Variants in STX18 observed in about 807,000 individuals in gnomAD.
STX18 encodes the protein syntaxin 18.
STX18 carries 40 observed loss-of-function variants against 50.1 expected under a neutral mutation model. That is an observed-to-expected ratio of 0.80 (90% CI 0.62 to 1.04). STX18 has a LOEUF of 1.04. Ranked by LOEUF, STX18 falls within the 50% of genes least tolerant of loss-of-function variation. The probability of loss-of-function intolerance (pLI) is 0.00; values close to 1 mark genes in which losing one functional copy is unlikely to be tolerated. For synonymous variants in STX18, 158 were observed against 151.8 expected (o/e 1.04, Z -0.30); for missense variants, 410 against 415.8 (o/e 0.99, Z 0.12).
chr4:4,511,331 C>T (rs1371354921), intron 1 of STX18, among the ~76,000 whole-genome samples: 1 of 152,200 alleles, frequency 6.6e-6, no homozygotes, highest in East Asian at 1.9e-4. Flanking sequence ...AATGCTTTAT[C>T]AAGGACTTCA....
intron 1 of STX18, among the ~76,000 whole-genome samples, chr4:4,515,151 G>C (rs1007738698): frequency 1.3e-5 from 2 of 152,074 alleles, no homozygotes; most frequent in Non-Finnish European, 1.5e-5. Flanking sequence ...AAAGGATAGT[G>C]AGACCTAAAT....
At chr4:4,530,751 G>A (rs188639889) in intron 1 of STX18, among the ~76,000 whole-genome samples, 14 of 152,158 alleles carry the variant, frequency 9.2e-5, no homozygotes, top group African/African-American at 3.1e-4. Context: ...GATTACAGGT[G>A]TGTGCCAAAG....
At position 4,457,813 on chromosome 4, in the gene STX18, C is replaced by T. The variant is rs186183518; in HGVS notation, c.353-313G>A. 9.3e-4 allele frequency among the ~76,000 whole-genome samples: 141 copies of T among 152,342 alleles called. 1 individual carries two copies. Among genetic ancestry groups the T allele is most frequent in the African/African-American group, 3.4e-3 (140 of 41,586 alleles). Reference sequence around the variant, plus strand: ...GTGTTAACAGCATCCAATGCTCAAGCTGACCTTCAGCGAACATGTTTAAAC... The same window carrying T: ...GTGTTAACAGCATCCAATGCTCAAGTTGACCTTCAGCGAACATGTTTAAAC... On this transcript the variant is annotated intron_variant, in intron 3 of 10. Transcript: ENST00000306200.
chr4:4,526,524 C>T (rs547536296), intron 1 of STX18, among the ~76,000 whole-genome samples: 4 of 152,244 alleles, frequency 2.6e-5, no homozygotes, highest in African/African-American at 7.2e-5. Context: ...AACAACAAAA[C>T]GTCAAAATGT....
intron 1 of STX18, among the ~76,000 whole-genome samples, chr4:4,518,264 G>T (rs1379631403): frequency 1.3e-5 from 2 of 152,192 alleles, no homozygotes; most frequent in African/African-American, 4.8e-5. Flanking sequence ...TGTATTAAGT[G>T]ACTAAAAGCA....
intron 5 of STX18, among the ~76,000 whole-genome samples, chr4:4,449,830 G>C (rs1218601768): frequency 6.6e-6 from 1 of 152,160 alleles, no homozygotes; most frequent in African/African-American, 2.4e-5. Context: ...CTATCTCATT[G>C]AATGTGTTAT....
intron 1 of STX18, among the ~76,000 whole-genome samples, chr4:4,483,415 A>C (rs1278950597): frequency 1.3e-5 from 2 of 152,174 alleles, no homozygotes; most frequent in East Asian, 1.9e-4. Context: ...ATAGAAAAAA[A>C]CAAATGTTTA....
intron 9 of STX18, 99 bp downstream of exon 9, chr4:4,423,419 G>T: frequency 8.8e-7 from 1 of 1,142,682 alleles, no homozygotes; most frequent in Non-Finnish European, 1.3e-6. Context: ...TCTGCTCCTG[G>T]CTGTGTAGAG....
chr4:4,428,280 T>C (rs1027168674), intron 7 of STX18, among the ~76,000 whole-genome samples: 2 of 152,214 alleles, frequency 1.3e-5, no homozygotes, highest in Admixed American at 6.5e-5. Context: ...GTCAGTTTCT[T>C]TGGGGACAGA....
chr4:4,457,910 C>G (rs1344923861), intron 3 of STX18, among the ~76,000 whole-genome samples: 1 of 152,178 alleles, frequency 6.6e-6, no homozygotes, highest in East Asian at 1.9e-4. Context: ...ATCCTCTCCC[C>G]TTGGCCACTC....
chr4:4,494,511 A>C (rs1024118485), intron 1 of STX18, among the ~76,000 whole-genome samples: 3 of 152,222 alleles, frequency 2.0e-5, no homozygotes, highest in Non-Finnish European at 2.9e-5. Flanking sequence ...ATTTCATTGA[A>C]TCTTCACAAA....
At chr4:4,527,217 T>C (rs1326623788) in intron 1 of STX18, among the ~76,000 whole-genome samples, 4 of 152,190 alleles carry the variant, frequency 2.6e-5, no homozygotes, top group African/African-American at 9.7e-5. Context: ...TGGAAAAATA[T>C]GCTTCTCTCC....
chr4:4,527,766 G>C (rs925606265), intron 1 of STX18, among the ~76,000 whole-genome samples: 2 of 100,820 alleles, frequency 2.0e-5, no homozygotes, highest in African/African-American at 6.6e-5. Context: ...GAAAGATAGA[G>C]AAAAAAATTA....
intron 1 of STX18, among the ~76,000 whole-genome samples, chr4:4,491,862 A>G (rs1051434012): frequency 6.6e-6 from 1 of 152,060 alleles, no homozygotes; most frequent in Admixed American, 6.6e-5. Flanking sequence ...TTGACAAAAG[A>G]CTTCTTTTTT....
intron 1 of STX18, among the ~76,000 whole-genome samples, chr4:4,494,760 G>A (rs1370682636): frequency 6.6e-6 from 1 of 152,176 alleles, no homozygotes; most frequent in Non-Finnish European, 1.5e-5. Context: ...TCTCCATGGT[G>A]CCTGTCTTAC....
chr4:4,522,967 TG>T (rs1265048588), intron 1 of STX18, among the ~76,000 whole-genome samples: 1 of 152,262 alleles, frequency 6.6e-6, no homozygotes, highest in African/African-American at 2.4e-5. Flanking sequence ...CTGGCGTATG[TG>T]TTTATCAAAC....
intron 1 of STX18, among the ~76,000 whole-genome samples, chr4:4,529,214 T>C (rs921853205): frequency 2.0e-5 from 3 of 152,012 alleles, no homozygotes; most frequent in Non-Finnish European, 4.4e-5. Flanking sequence ...ATACACAAAT[T>C]AGCCGGGAAT....
intron 5 of STX18, among the ~76,000 whole-genome samples, chr4:4,445,361 G>A (rs540383235): frequency 1.2e-4 from 18 of 152,028 alleles, no homozygotes; most frequent in Non-Finnish European, 2.2e-4. Context: ...AGCCAAGATC[G>A]AGCGACTGCA....
At chr4:4,443,456 G>A (rs1726224806) in intron 5 of STX18, among the ~76,000 whole-genome samples, 1 of 152,238 alleles carries the variant, frequency 6.6e-6, no homozygotes, top group Non-Finnish European at 1.5e-5. Flanking sequence ...ACTTTATGAT[G>A]AAAGCCTAAG....
Sources: allele counts gnomAD v4.1 joint callset (sites outside exome capture counted in the v4.1 genomes callset), GRCh38; gene constraint gnomAD v4.1.1; transcripts MANE v1.5; gene names NCBI Gene and HGNC (gene_info 2026-07-23, HGNC 2026-07-21).